Variants in FHIT observed in about 807,000 individuals in gnomAD.
FHIT encodes the protein fragile histidine triad diadenosine triphosphatase, also known as bis(5'-adenosyl)-triphosphatase.
Under a neutral mutation model 17.9 loss-of-function variants are expected in FHIT, and 19 were observed. The observed-to-expected ratio is 1.06, with a 90% CI of 0.74 to 1.56. The LOEUF (loss-of-function observed/expected upper bound fraction) is 1.56. Ranked by LOEUF, FHIT falls within the 40% of genes most tolerant of loss-of-function variation. The pLI is 0.00. For synonymous variants in FHIT, 81 were observed against 69.7 expected (o/e 1.16, Z -0.81); for missense variants, 248 against 189.2 (o/e 1.31, Z -1.82).
At chr3:60,318,886 T>C (rs550666122) in intron 5 of FHIT, among the ~76,000 whole-genome samples, 8 of 152,316 alleles carry the variant, frequency 5.3e-5, no homozygotes, top group African/African-American at 1.9e-4. Context: ...GAAGGAAGAA[T>C]GGATTTCCAT....
intron 5 of FHIT, among the ~76,000 whole-genome samples, chr3:60,368,325 T>A (rs1296458249): frequency 6.6e-6 from 1 of 152,082 alleles, no homozygotes; most frequent in African/African-American, 2.4e-5. Context: ...TAATTTTAGC[T>A]CTTCAAGTGG....
At position 60,592,607 on chromosome 3, in the gene FHIT, G is replaced by C. The variant is rs1553664792; in HGVS notation, c.-17-55628C>G. On this transcript the variant is annotated intron_variant, in intron 4 of 9. Coordinates refer to ENST00000492590, the MANE Select transcript of FHIT (RefSeq NM_002012.4). The stretch of plus-strand genomic sequence containing the variant: ...CATTCACTGCCTGGGCAGCAGGATG[G>C]AGGCAGGGCAGGCTTCCAATCTTTA... 5.3e-5 allele frequency among the ~76,000 whole-genome samples: 8 copies of C among 152,148 alleles called. No individual in the cohort carries two copies. In the South Asian group the frequency reaches 1.2e-3, roughly 24 times the overall value.
In FHIT at chr3:60,538,633, G is replaced by A. The variant is rs948588497; in HGVS notation, c.-17-1654C>T. ...ACAGAACAGAGCCCTCAGAAATAAT[G>A]CCACACATCTACAACTATCTGATCT... On this transcript the variant is annotated intron_variant, in intron 4 of 9. Transcript: ENST00000492590. Among the ~76,000 whole-genome samples the A allele has an allele frequency of 3.9e-5, 6 of 152,084 alleles. No homozygotes were observed. The East Asian group carries it at 5.8e-4, about 15-fold the overall frequency.
chr3:60,448,488 C>T (rs7623812), intron 5 of FHIT, among the ~76,000 whole-genome samples: 7,892 of 152,246 alleles, frequency 0.052, 662 homozygotes, highest in African/African-American at 0.17. Context: ...AAAATCTGCT[C>T]ATCTTCACAG....
At chr3:60,310,951 C>T (rs574656798) in intron 5 of FHIT, among the ~76,000 whole-genome samples, 5 of 152,172 alleles carry the variant, frequency 3.3e-5, no homozygotes, top group East Asian at 1.9e-4. Flanking sequence ...TTGCATTTAG[C>T]GCATACTTCT....
intron 3 of FHIT, among the ~76,000 whole-genome samples, chr3:60,861,252 C>CA (rs1553752498): frequency 8.8e-5 from 1 of 11,318 alleles, no homozygotes; most frequent in East Asian, 2.0e-3. Context: ...ATATATGATA[C>CA]ATATGATATA....
chr3:59,972,465 C>T (rs1444768391), intron 7 of FHIT, among the ~76,000 whole-genome samples: 1 of 152,076 alleles, frequency 6.6e-6, no homozygotes, highest in Non-Finnish European at 1.5e-5. Flanking sequence ...ATTTCAGTAG[C>T]TCTATGGGTC....
intron 4 of FHIT, among the ~76,000 whole-genome samples, chr3:60,772,761 G>A (rs564414146): frequency 1.2e-4 from 18 of 152,146 alleles, no homozygotes; most frequent in African/African-American, 4.1e-4. Context: ...ACTCCTGCAG[G>A]CAACATCACT....
chr3:60,478,709 C>T lies in FHIT; in HGVS notation c.103+58151G>A, dbSNP rs1263383679. The stretch of plus-strand genomic sequence containing the variant: ...TTTTCTCCCACTATATTGCATGCTG[C>T]TTCACTTACCTTGTAAAACATTTTA... On this transcript the variant is annotated intron_variant, in intron 5 of 9. Coordinates refer to ENST00000492590, the MANE Select transcript of FHIT (RefSeq NM_002012.4). Among the ~76,000 whole-genome samples, 4 of 152,168 alleles carry T rather than the reference C, an allele frequency of 2.6e-5. No homozygotes were observed. The South Asian group carries it at 8.3e-4, about 32-fold the overall frequency.
intron 4 of FHIT, among the ~76,000 whole-genome samples, chr3:60,804,331 A>G (rs1209616232): frequency 2.0e-5 from 3 of 152,152 alleles, no homozygotes; most frequent in African/African-American, 4.8e-5. Context: ...GAAACTCCGC[A>G]TCTTGCACCA....
At chr3:60,453,433 A>G (rs2031879232) in intron 5 of FHIT, among the ~76,000 whole-genome samples, 1 of 152,134 alleles carries the variant, frequency 6.6e-6, no homozygotes, top group Non-Finnish European at 1.5e-5. Flanking sequence ...ATTCTTTCCA[A>G]TGCTCCAATG....
rs78752383 is a variant in FHIT at position 60,201,012 on chromosome 3, G to T, written c.104-186860C>A. ...CCTGTCTCCAACAGAACTTACTAAAGTTCAGCTGGGAAGACAACCACTTAC... is the reference window on the plus strand; with the variant it reads ...CCTGTCTCCAACAGAACTTACTAAATTTCAGCTGGGAAGACAACCACTTAC... On this transcript the variant is annotated intron_variant, in intron 5 of 9. Coordinates refer to ENST00000492590, the MANE Select transcript of FHIT (RefSeq NM_002012.4). Among the ~76,000 whole-genome samples the T allele has an allele frequency of 9.9e-3, 1,514 of 152,214 alleles. 46 individuals carry two copies. Among genetic ancestry groups the T allele is most frequent in the East Asian group, 0.076 (396 of 5,178 alleles).
At chr3:61,215,485 A>T (rs922643204) in intron 1 of FHIT, among the ~76,000 whole-genome samples, 2 of 152,186 alleles carry the variant, frequency 1.3e-5, no homozygotes, top group African/African-American at 2.4e-5. Context: ...CTGCTCAATG[A>T]AATAAAAGAC....
At chr3:60,485,387 A>G (rs1453498230) in intron 5 of FHIT, among the ~76,000 whole-genome samples, 1 of 152,180 alleles carries the variant, frequency 6.6e-6, no homozygotes, top group East Asian at 1.9e-4. Context: ...ACAATAGCAA[A>G]GACTCAGAAC....
At chr3:60,160,632 G>A (rs571631390) in intron 5 of FHIT, among the ~76,000 whole-genome samples, 1 of 152,222 alleles carries the variant, frequency 6.6e-6, no homozygotes, top group South Asian at 2.1e-4. Context: ...AGCATCTGCT[G>A]TTTTGTTAAA....
chr3:60,854,283 C>T (rs1281244544), intron 3 of FHIT, among the ~76,000 whole-genome samples: 1 of 152,214 alleles, frequency 6.6e-6, no homozygotes, highest in East Asian at 1.9e-4. Flanking sequence ...TCCTACATTT[C>T]CTTTGGCACT....
intron 3 of FHIT, among the ~76,000 whole-genome samples, chr3:60,984,414 C>T (rs968715668): frequency 1.3e-5 from 2 of 152,204 alleles, no homozygotes; most frequent in African/African-American, 2.4e-5. Context: ...CCAATACACC[C>T]ACCCAAATGT....
intron 4 of FHIT, among the ~76,000 whole-genome samples, chr3:60,583,286 T>C (rs2037806087): frequency 6.6e-6 from 1 of 152,024 alleles, no homozygotes; most frequent in South Asian, 2.1e-4. Context: ...CCCATTGCTA[T>C]GTCTTCAGCC....
intron 4 of FHIT, among the ~76,000 whole-genome samples, chr3:60,574,145 C>G (rs1366547974): frequency 6.6e-6 from 1 of 152,026 alleles, no homozygotes; most frequent in Non-Finnish European, 1.5e-5. Context: ...GTTCTACTTT[C>G]CGATTTAAAC....
Sources: gnomAD v4.1 joint callset for allele counts (sites outside exome capture counted in the v4.1 genomes callset) on GRCh38, gnomAD v4.1.1 for gene constraint, MANE v1.5 for transcripts, NCBI Gene and HGNC (gene_info 2026-07-23, HGNC 2026-07-21) for gene names.